RUNX2: variants seen among roughly 807,000 people sequenced by gnomAD.
RUNX2 encodes RUNX family transcription factor 2, also known as runt-related transcription factor 2.
In RUNX2, 10 loss-of-function variants were observed where a neutral mutation model predicts 51.7. The ratio of observed to expected loss-of-function variants is 0.19; its 90% CI spans 0.12 to 0.33. RUNX2 has a LOEUF of 0.33. RUNX2 is among the 10% of genes least tolerant of loss of function. The pLI is 1.00. For missense variants in RUNX2, 562 were observed against 691.3 expected, an observed-to-expected ratio of 0.81 and a Z score of 2.10; for synonymous variants, 276 against 273.6, an observed-to-expected ratio of 1.01 and a Z score of -0.09.
chr6:45,469,468 A>G (rs1281334099), intron 5 of RUNX2, among the ~76,000 whole-genome samples: 1 of 152,080 alleles, frequency 6.6e-6, no homozygotes, highest in Admixed American at 6.5e-5. Context: ...CACATAGCCT[A>G]TAGGCCTATG....
intron 4 of RUNX2, among the ~76,000 whole-genome samples, chr6:45,435,149 G>GT (rs369422500): frequency 2.4e-4 from 36 of 152,164 alleles, no homozygotes; most frequent in South Asian, 2.1e-4. Flanking sequence ...TTTAAAAGCA[G>GT]TTTTTTATAG....
At chr6:45,430,136 C>T (rs1798498570) in intron 3 of RUNX2, among the ~76,000 whole-genome samples, 1 of 151,856 alleles carries the variant, frequency 6.6e-6, no homozygotes, top group Non-Finnish European at 1.5e-5. Context: ...ATGTGCTGGA[C>T]ACTTTTGGGA....
At chr6:45,470,762 G>A (rs1799776247) in intron 5 of RUNX2, among the ~76,000 whole-genome samples, 1 of 152,120 alleles carries the variant, frequency 6.6e-6, no homozygotes, top group Admixed American at 6.5e-5. Flanking sequence ...CTCACTAACA[G>A]GCCTGTTTCC....
intron 2 of RUNX2, among the ~76,000 whole-genome samples, chr6:45,375,513 C>A (rs575978295): frequency 6.6e-6 from 1 of 152,268 alleles, no homozygotes; most frequent in Non-Finnish European, 1.5e-5. Flanking sequence ...TGCTCCAGAT[C>A]TAACAATTAT....
rs185381610 is a variant in RUNX2 at position 45,392,161 on chromosome 6, C to T, written c.59-30432C>T. On this transcript the variant is annotated intron_variant, in intron 2 of 8. Coordinates refer to ENST00000647337, the MANE Select transcript of RUNX2 (RefSeq NM_001024630.4). ...AATACCTGCCTTCAAGAAATCTGCACGCCAATTGAGGTGTGCAAGCTAATA... is the reference window on the plus strand; with the variant it reads ...AATACCTGCCTTCAAGAAATCTGCATGCCAATTGAGGTGTGCAAGCTAATA... 2.3e-3 allele frequency among the ~76,000 whole-genome samples: 344 copies of T among 152,238 alleles called. 2 individuals are homozygous for T. Among genetic ancestry groups the T allele is most frequent in the Admixed American group, 8.5e-3 (130 of 15,296 alleles).
chr6:45,453,807 A>G (rs555347695), intron 5 of RUNX2, among the ~76,000 whole-genome samples: 2 of 152,226 alleles, frequency 1.3e-5, no homozygotes, highest in Non-Finnish European at 2.9e-5. Context: ...ATGAAAGTCT[A>G]CATTGTTGGC....
At chr6:45,360,608 T>C (rs567655547) in intron 2 of RUNX2, among the ~76,000 whole-genome samples, 65 of 152,300 alleles carry the variant, frequency 4.3e-4, no homozygotes, top group African/African-American at 1.5e-3. Flanking sequence ...ACTTAAAAAA[T>C]AGTCAAATGA....
chr6:45,411,683 G>A (rs1311616227), intron 2 of RUNX2, among the ~76,000 whole-genome samples: 1 of 152,000 alleles, frequency 6.6e-6, no homozygotes, highest in Non-Finnish European at 1.5e-5. Context: ...CATCAGAGAA[G>A]CCATAATTTA....
At chr6:45,451,691 A>T (rs2819867) in intron 5 of RUNX2, among the ~76,000 whole-genome samples, 1 of 151,992 alleles carries the variant, frequency 6.6e-6, no homozygotes, top group Non-Finnish European at 1.5e-5. Flanking sequence ...TAGGTTTCAA[A>T]TGAATTAGGT....
At chr6:45,521,292 A>G (rs953979118) in intron 7 of RUNX2, among the ~76,000 whole-genome samples, 1 of 152,244 alleles carries the variant, frequency 6.6e-6, no homozygotes, top group African/African-American at 2.4e-5. Context: ...AGAAACTTTC[A>G]TTGCTGATAA....
intron 5 of RUNX2, among the ~76,000 whole-genome samples, chr6:45,439,150 C>T (rs1434121206): frequency 6.6e-6 from 1 of 152,200 alleles, no homozygotes; most frequent in Non-Finnish European, 1.5e-5. Context: ...GCTGCTGTCT[C>T]TTTTCACAAA....
At chr6:45,497,468 T>A (rs1447955611) in intron 6 of RUNX2, among the ~76,000 whole-genome samples, 1 of 152,224 alleles carries the variant, frequency 6.6e-6, no homozygotes, top group African/African-American at 2.4e-5. Flanking sequence ...AAGTTTCACT[T>A]ATTTTTTTAT....
chr6:45,533,399 G>A (rs2150440900), intron 7 of RUNX2, among the ~76,000 whole-genome samples: 1 of 147,416 alleles, frequency 6.8e-6, no homozygotes, highest in East Asian at 2.0e-4. Flanking sequence ...AAATCACTCA[G>A]AAGAGAAATC....
intron 2 of RUNX2, among the ~76,000 whole-genome samples, chr6:45,333,895 T>C (rs367603298): frequency 6.6e-6 from 1 of 151,322 alleles, no homozygotes; most frequent in Non-Finnish European, 1.5e-5. Context: ...ATGTTTACCT[T>C]GATTAGATGA....
intron 2 of RUNX2, among the ~76,000 whole-genome samples, chr6:45,377,001 G>A (rs1395748281): frequency 6.6e-6 from 1 of 151,892 alleles, no homozygotes; most frequent in South Asian, 2.1e-4. Flanking sequence ...GTAATACTAC[G>A]TCCAGGATCG....
intron 7 of RUNX2, among the ~76,000 whole-genome samples, chr6:45,530,331 T>C (rs146217511): frequency 6.6e-6 from 1 of 152,372 alleles, no homozygotes; most frequent in East Asian, 1.9e-4. Context: ...GCAGTACCAC[T>C]TTAGGTTATA....
At chr6:45,429,302 A>C (rs1256324408) in intron 3 of RUNX2, among the ~76,000 whole-genome samples, 1 of 152,196 alleles carries the variant, frequency 6.6e-6, no homozygotes, top group East Asian at 1.9e-4. Flanking sequence ...TTACTTTGAC[A>C]TAGAAAGCCA....
intron 3 of RUNX2, among the ~76,000 whole-genome samples, chr6:45,423,201 C>T (rs1262832596): frequency 6.6e-6 from 1 of 152,162 alleles, no homozygotes; most frequent in Non-Finnish European, 1.5e-5. Flanking sequence ...CAGCCCTAGT[C>T]CCCCTGACCC....
At chr6:45,541,467 T>C (rs1802226569) in intron 7 of RUNX2, among the ~76,000 whole-genome samples, 1 of 152,184 alleles carries the variant, frequency 6.6e-6, no homozygotes, top group South Asian at 2.1e-4. Context: ...ACATAGGTCT[T>C]GTGTATTACA....
Sources: gnomAD v4.1 joint callset for allele counts (sites outside exome capture counted in the v4.1 genomes callset) on GRCh38, gnomAD v4.1.1 for gene constraint, MANE v1.5 for transcripts, NCBI Gene and HGNC (gene_info 2026-07-23, HGNC 2026-07-21) for gene names.